Variants in POLR2F observed in about 807,000 individuals in gnomAD.
POLR2F encodes RNA polymerase II, I and III subunit F.
In POLR2F, 12 loss-of-function variants were observed where a neutral mutation model predicts 22.7. That is an observed-to-expected ratio of 0.53 (90% CI 0.34 to 0.86). POLR2F has a LOEUF of 0.86. POLR2F is among the 40% of genes least tolerant of loss of function. POLR2F has a pLI of 0.02. For missense variants in POLR2F, 126 were observed against 171.5 expected (o/e 0.73, Z 1.48); for synonymous variants, 57 against 66.0 (o/e 0.86, Z 0.66).
At chr22:38,008,777 G>A (rs1282009992) in intron 1 of POLR2F, among the ~76,000 whole-genome samples, 1 of 150,602 alleles carries the variant, frequency 6.6e-6, no homozygotes, top group East Asian at 2.0e-4. Flanking sequence ...AGAATCGCTT[G>A]AACCCAGGAG....
At chr22:38,033,005 A>T (rs117213923) in intron 5 of POLR2F, 7 of 167,250 alleles carry the variant, frequency 4.2e-5, no homozygotes, top group Non-Finnish European at 8.8e-5. Context: ...AGCATGACAT[A>T]ATTCATGACC....
chr22:38,015,025 C>G (rs534195895), intron 1 of POLR2F, among the ~76,000 whole-genome samples: 1 of 152,080 alleles, frequency 6.6e-6, no homozygotes, highest in East Asian at 1.9e-4. Flanking sequence ...TCAGGCTGGT[C>G]TCAAACTCCT....
intron 1 of POLR2F, among the ~76,000 whole-genome samples, chr22:37,993,259 G>T (rs941405488): frequency 3.9e-5 from 6 of 152,162 alleles, no homozygotes; most frequent in Non-Finnish European, 7.3e-5. Flanking sequence ...TGTCAAGGTT[G>T]CCCAGCTTAG....
chr22:37,972,516 G>A (rs1932090161), downstream of POLR2F: 1 of 311,916 alleles, frequency 3.2e-6, no homozygotes, highest in African/African-American at 2.2e-5. Flanking sequence ...AGGGGTAAGA[G>A]GCAAGGGCAG....
rs1228455367 is a variant in POLR2F, at chr22:37,997,664, C to T, written c.120+11352C>T. ...CTCCAGCCTACCTTCCCCAGGACAC[C>T]CGGCTCTGTCCCCTGCATGCCCTGG... On this transcript the variant is annotated intron_variant, in intron 1 of 2. Coordinates refer to the POLR2F transcript ENST00000333418. This position sits in a 1 kb window ranked among gnomAD's most constrained non-coding sequence, Gnocchi z 4.4. 6.6e-6 allele frequency among the ~76,000 whole-genome samples: 1 copy of T among 152,088 alleles called. No individual in the cohort carries two copies. The highest frequency in any genetic ancestry group is 2.4e-5 in the African/African-American group (1 of 41,394).
At chr22:38,026,624 G>C (rs1005933926) in exon 3 of POLR2F, 1 of 294,642 alleles carries the variant, frequency 3.4e-6, no homozygotes, top group African/African-American at 2.2e-5. Flanking sequence ...GCAGCTGCAG[G>C]CCTGGTGAGA....
At chr22:37,996,244 A>T (rs2084712481) in intron 1 of POLR2F, among the ~76,000 whole-genome samples, 1 of 152,188 alleles carries the variant, frequency 6.6e-6, no homozygotes, top group Non-Finnish European at 1.5e-5. Context: ...GACAGGGCAG[A>T]TCTGTCAGCT....
chr22:37,991,210 C>G (rs1050980088), intron 1 of POLR2F, among the ~76,000 whole-genome samples: 4 of 15,566 alleles, frequency 2.6e-4, no homozygotes, highest in Non-Finnish European at 4.2e-4. Context: ...CCACTTCCAC[C>G]TCCTGTGCAA....
chr22:38,024,002 C>T (rs555449129), intron 1 of POLR2F, among the ~76,000 whole-genome samples: 12 of 152,138 alleles, frequency 7.9e-5, no homozygotes, highest in African/African-American at 1.7e-4. Flanking sequence ...CCACCATGCC[C>T]GGTTAATTTT....
At position 38,025,753 on chromosome 22, in the gene POLR2F, G is replaced by A. The variant is rs565042750; in HGVS notation, c.121-116G>A. On this transcript the variant is annotated intron_variant, in intron 1 of 2. Transcript: ENST00000333418. ...GCCCAGGTTGCTGATGGTCTCACCC[G>A]AGCTGAACACAGGATCCAGGGCACT... 41 of 1,537,266 alleles carry A rather than the reference G, an allele frequency of 2.7e-5. No individual in the cohort carries two copies. In the African/African-American group the frequency reaches 4.5e-4, roughly 17 times the overall value.
intron 3 of POLR2F, among the ~76,000 whole-genome samples, chr22:37,963,105 G>A (rs1931714381): frequency 6.6e-6 from 1 of 151,608 alleles, no homozygotes. Context: ...TCCAACCTGA[G>A]CTTCCCGGGT....
chr22:37,957,185 A>C (rs1931436901), intron 2 of POLR2F, among the ~76,000 whole-genome samples: 1 of 152,202 alleles, frequency 6.6e-6, no homozygotes, highest in Non-Finnish European at 1.5e-5. Flanking sequence ...CAAAGGGAAG[A>C]GGTAAGCAGG....
intron 1 of POLR2F, among the ~76,000 whole-genome samples, chr22:38,009,898 A>C (rs1318332693): frequency 2.0e-5 from 3 of 152,234 alleles, no homozygotes; most frequent in Admixed American, 2.0e-4. Flanking sequence ...TGGCTAGACC[A>C]TAATTTGTTT....
chr22:37,989,898 G>A (rs1932687500), intron 1 of POLR2F, among the ~76,000 whole-genome samples: 1 of 152,206 alleles, frequency 6.6e-6, no homozygotes, highest in African/African-American at 2.4e-5. Context: ...CCTGCTGGCG[G>A]TCTAGGCACT....
intron 5 of POLR2F, among the ~76,000 whole-genome samples, chr22:38,034,902 C>A (rs1034524553): frequency 6.6e-6 from 1 of 152,046 alleles, no homozygotes; most frequent in Admixed American, 6.6e-5. Context: ...TGGCCTAGGA[C>A]GAGCTGGGGC....
In POLR2F at chr22:38,023,908, C is replaced by G. The variant is rs186407994; in HGVS notation, c.121-1961C>G. 1.3e-4 allele frequency among the ~76,000 whole-genome samples: 19 copies of G among 145,830 alleles called. No individual in the cohort carries two copies. In the East Asian group the frequency reaches 3.9e-3, roughly 30 times the overall value. On this transcript the variant is annotated intron_variant, in intron 1 of 2. Coordinates refer to the POLR2F transcript ENST00000333418. ...CCAGGCTGGAGTGCAATGGCATGAT[C>G]TCAGCTCACTGCAACCTCCTCCTCC...
chr22:37,966,550 A>G (rs1246975654), intron 3 of POLR2F, among the ~76,000 whole-genome samples: 2 of 152,186 alleles, frequency 1.3e-5, no homozygotes, highest in East Asian at 3.9e-4. Flanking sequence ...AGGCAGGCGG[A>G]TTGCTTGAGC....
intron 4 of POLR2F, among the ~76,000 whole-genome samples, chr22:37,979,360 A>T (rs1932323508): frequency 6.6e-6 from 1 of 152,120 alleles, no homozygotes; most frequent in African/African-American, 2.4e-5. Context: ...GGCCTCCCAA[A>T]GTGCTGAGAT....
intron 1 of POLR2F, among the ~76,000 whole-genome samples, chr22:37,954,118 C>G (rs956468404): frequency 6.6e-6 from 1 of 152,060 alleles, no homozygotes; most frequent in Admixed American, 6.6e-5. Context: ...ATCGTCCCTG[C>G]CTCTCCACGT....
Sources: allele counts gnomAD v4.1 joint callset (sites outside exome capture counted in the v4.1 genomes callset), GRCh38; gene constraint gnomAD v4.1.1; non-coding constraint Gnocchi (gnomAD v3.1); transcripts MANE v1.5; gene names NCBI Gene and HGNC (gene_info 2026-07-23, HGNC 2026-07-21).